ZBTB40: variants seen among roughly 807,000 people sequenced by gnomAD.
The protein encoded by ZBTB40 is zinc finger and BTB domain containing 40, also known as zinc finger and BTB domain-containing protein 40.
A neutral mutation model predicts 117.5 loss-of-function variants in ZBTB40; 60 were observed. The ratio of observed to expected loss-of-function variants is 0.51; its 90% CI spans 0.41 to 0.63. ZBTB40 has a LOEUF of 0.63. Ranked by LOEUF, ZBTB40 falls within the 30% of genes least tolerant of loss-of-function variation. The pLI is 0.00. For synonymous variants in ZBTB40, 525 were observed against 577.1 expected (o/e 0.91, Z 1.29); for missense variants, 1,287 against 1,498.5 (o/e 0.86, Z 2.33).
intron 3 of ZBTB40, among the ~76,000 whole-genome samples, chr1:22,495,794 G>C (rs926067081): frequency 6.6e-6 from 1 of 152,150 alleles, no homozygotes; most frequent in African/African-American, 2.4e-5. Flanking sequence ...GGGATTACAG[G>C]CATGAGCCAC....
At chr1:22,466,949 A>G (rs562792782) in intron 1 of ZBTB40, among the ~76,000 whole-genome samples, 1 of 152,196 alleles carries the variant, frequency 6.6e-6, no homozygotes, top group Non-Finnish European at 1.5e-5. Flanking sequence ...GGGGGATTAC[A>G]TGTTCTTTTA....
intron 13 of ZBTB40, 56 bp downstream of exon 13, chr1:22,517,520 G>A (rs528578498): frequency 1.1e-4 from 169 of 1,580,064 alleles, no homozygotes; most frequent in Admixed American, 1.6e-4. Context: ...CTGGGAAAGC[G>A]TGTCAATTGC....
chr1:22,451,479 A>G (rs912109756), upstream of ZBTB40, among the ~76,000 whole-genome samples: 6 of 151,900 alleles, frequency 3.9e-5, no homozygotes. Flanking sequence ...TACTAAAAAT[A>G]GAAGAGAAAA....
chr1:22,465,925 G>A (rs1399517663), intron 1 of ZBTB40, among the ~76,000 whole-genome samples: 2 of 152,190 alleles, frequency 1.3e-5, no homozygotes, highest in Non-Finnish European at 2.9e-5. Context: ...ATAATGGCAG[G>A]CCAACTGGAT....
In ZBTB40 at chr1:22,433,446, A is replaced by AC. The variant is rs1557469798; in HGVS notation, c.-70+4432_-70+4433insC. On this transcript the variant is annotated intron_variant, in intron 1 of 8. Coordinates refer to the ZBTB40 transcript ENST00000650433. ...AGACGCCCTCTCAAAAAAAAAAAAA[A>AC]AAAAAAAAAAAGACAGCTAAAAATA... Among the ~76,000 whole-genome samples, 27 of 141,362 alleles carry AC rather than the reference A, an allele frequency of 1.9e-4. 1 individual carries two copies. Among genetic ancestry groups the AC allele is most frequent in the African/African-American group, 6.5e-4 (26 of 39,826 alleles). The allele number at this position is 141,362 out of a possible 152,430, so 92.7% of individuals were successfully genotyped here. A position where few individuals can be genotyped will look rare whatever the true frequency, so the allele number is the denominator to read the frequency against.
chr1:22,525,270 G>A (rs532545761), intron 17 of ZBTB40, among the ~76,000 whole-genome samples: 2 of 152,104 alleles, frequency 1.3e-5, no homozygotes, highest in East Asian at 1.9e-4. Context: ...GTGGGGCTGG[G>A]GCGTCCATTT....
At chr1:22,452,670 T>A (rs528625522) in intron 1 of ZBTB40, 6 of 152,378 alleles carry the variant, frequency 3.9e-5, no homozygotes, top group African/African-American at 1.2e-4. Context: ...AAAAGTTTAC[T>A]GACCCCTGCC....
upstream of ZBTB40, among the ~76,000 whole-genome samples, chr1:22,448,578 C>T (rs1345499107): frequency 1.3e-5 from 2 of 152,150 alleles, no homozygotes; most frequent in East Asian, 3.9e-4. Context: ...GGTTTAAACC[C>T]TAACTCTACT....
Position 22,530,507 on chromosome 1 carries a change from CTAAT to C in ZBTB40, c.*4115_*4118del. The C allele has an allele frequency of 6.6e-6, 1 of 152,404 alleles. No homozygotes were observed. Among genetic ancestry groups the C allele is most frequent in the Admixed American group, 6.5e-5 (1 of 15,290 alleles). The allele number at this position is 152,404 out of a possible 1,614,324, so 9.4% of individuals were successfully genotyped here. ...CTGAAGGAAAAAAATCACTCCCTGG[CTAAT>C]TAAGATTGCTTCCAAATTGGGGGAA... On this transcript the variant is annotated 3_prime_UTR_variant, in exon 18 of 18. Coordinates refer to ENST00000375647, the MANE Select transcript of ZBTB40 (RefSeq NM_014870.4).
In ZBTB40 at chr1:22,526,273, G is replaced by C; in HGVS notation, c.3597G>C (p.Gly1199=). The C allele has an allele frequency of 6.2e-7, 1 of 1,614,194 alleles. No homozygotes were observed. The highest frequency in any genetic ancestry group is 1.1e-5 in the South Asian group (1 of 91,090). The stretch of plus-strand genomic sequence containing the variant: ...CTTTGGAGGAGACCCAGCTTGCCGG[G>C]TCGCAGGTGTTTGTGACGTTGCCAG... ...VITLEETQLA[G]SQVFVTLPDS... The change falls in exon 18 of 18, where the codon GGG becomes GGC. Residue 1199 remains glycine (G), a synonymous_variant. Transcript: ENST00000375647.
rs1281957971 is a variant in ZBTB40 at position 22,508,552 on chromosome 1, G to A, written c.1520G>A (p.Arg507His). Residue 507 changes from arginine (R) to histidine (H), a missense_variant, in exon 8 of 18, where the codon CGT becomes CAT. Arg to His is a conservative substitution (Grantham distance 29, BLOSUM62 0). Around this residue, in one of 2 missense-constraint regions of ZBTB40, gnomAD observed 870 missense variants for 934.4 expected, o/e 0.93. Transcript: ENST00000375647. ...AAGGTCATGGAGAAGCTTGTGAAAC[G>A]TGACTCTGGTTCAGGTGGTTTCAAT... Reference protein sequence around the residue: ...EREVMEKLVKRDSGSGGFNSL... With the variant: ...EREVMEKLVKHDSGSGGFNSL... The A allele has an allele frequency of 4.3e-6, 7 of 1,614,112 alleles. No homozygotes were observed. Among genetic ancestry groups the A allele is most frequent in the Middle Eastern group, 1.6e-4 (1 of 6,084 alleles).
intron 11 of ZBTB40, among the ~76,000 whole-genome samples, chr1:22,512,359 C>T (rs994423291): frequency 1.1e-4 from 17 of 152,340 alleles, no homozygotes; most frequent in African/African-American, 3.6e-4. Context: ...ATACCACTTA[C>T]TCTGTTGCAT....
In ZBTB40 at chr1:22,511,269, G is replaced by A; in HGVS notation, c.1924G>A (p.Glu642Lys). 1 of 1,614,040 alleles carries A rather than the reference G, an allele frequency of 6.2e-7. No homozygotes were observed. The highest frequency in any genetic ancestry group is 8.5e-7 in the Non-Finnish European group (1 of 1,180,036). The stretch of plus-strand genomic sequence containing the variant: ...CATGGAAAAATCAGTCCCGGCCATT[G>A]AAATATGCCACCTCCTGTGCAGTGT... ...RAMEKSVPAI[E>K]ICHLLCSVHK... The change falls in exon 10 of 18, where the codon GAA becomes AAA. Residue 642 changes from glutamate (E) to lysine (K), a missense_variant. Coordinates refer to ENST00000375647, the MANE Select transcript of ZBTB40 (RefSeq NM_014870.4).
intron 14 of ZBTB40, among the ~76,000 whole-genome samples, chr1:22,521,255 G>A (rs1639516544): frequency 6.6e-6 from 1 of 152,204 alleles, no homozygotes; most frequent in Admixed American, 6.5e-5. Flanking sequence ...TGTAAGGAAT[G>A]GGCATGTGAA....
chr1:22,436,587 C>T lies in ZBTB40; in HGVS notation c.-70+7573C>T, dbSNP rs376327853. Among the ~76,000 whole-genome samples the T allele has an allele frequency of 4.6e-5, 7 of 152,066 alleles. No homozygotes were observed. In the East Asian group the frequency reaches 7.7e-4, roughly 17 times the overall value. ...CATAATACCTGAAGCTGGAAACACA[C>T]AAATTCATACATTCACACAGGTGAA... On this transcript the variant is annotated intron_variant, in intron 1 of 8. Coordinates refer to the ZBTB40 transcript ENST00000650433.
chr1:22,484,996 C>T (rs973102757), intron 1 of ZBTB40, among the ~76,000 whole-genome samples: 7 of 152,156 alleles, frequency 4.6e-5, no homozygotes, highest in African/African-American at 1.7e-4. Flanking sequence ...TGAGAAGTCC[C>T]ATTTGGCTAT....
intron 1 of ZBTB40, among the ~76,000 whole-genome samples, chr1:22,455,887 T>G (rs1640993335): frequency 6.6e-6 from 1 of 152,084 alleles, no homozygotes; most frequent in Admixed American, 6.5e-5. Context: ...TGCTTTGAAC[T>G]GAAATAAAAT....
At position 22,521,101 on chromosome 1, in the gene ZBTB40, A is replaced by G. The variant is rs559442502; in HGVS notation, c.3049-395A>G. 1.1e-3 allele frequency among the ~76,000 whole-genome samples: 161 copies of G among 152,366 alleles called. 1 individual carries two copies. The highest frequency in any genetic ancestry group is 3.7e-3 in the African/African-American group (153 of 41,588). On this transcript the variant is annotated intron_variant, in intron 14 of 17. Transcript: ENST00000375647. Reference sequence around the variant, plus strand: ...AAGCCGTGAGATGCAGCTCACTGGTAAAGCACACAGGTGTTACAGTTGGAA... The same window carrying G: ...AAGCCGTGAGATGCAGCTCACTGGTGAAGCACACAGGTGTTACAGTTGGAA...
chr1:22,455,516 C>T (rs1303447742), intron 1 of ZBTB40, among the ~76,000 whole-genome samples: 1 of 152,136 alleles, frequency 6.6e-6, no homozygotes, highest in Admixed American at 6.5e-5. Context: ...AAGAACTGGA[C>T]AGAGAGTGTC....
Sources: allele counts gnomAD v4.1 joint callset (sites outside exome capture counted in the v4.1 genomes callset), GRCh38; gene constraint gnomAD v4.1.1; regional missense constraint gnomAD v4.1.1; transcripts MANE v1.5; gene names NCBI Gene and HGNC (gene_info 2026-07-23, HGNC 2026-07-21).